DAB1: variants seen among roughly 807,000 people sequenced by gnomAD.
DAB1 encodes disabled homolog 1.
DAB1 carries 15 observed loss-of-function variants against 64.6 expected under a neutral mutation model. That is an observed-to-expected ratio of 0.23 (90% CI 0.16 to 0.36). The LOEUF is 0.36. Ranked by LOEUF, DAB1 falls within the 10% of genes least tolerant of loss-of-function variation. The pLI is 1.00. For missense variants in DAB1, 596 were observed against 706.7 expected (o/e 0.84, Z 1.78); for synonymous variants, 235 against 251.9 (o/e 0.93, Z 0.64).
chr1:57,103,524 C>T (rs896546451), intron 4 of DAB1, among the ~76,000 whole-genome samples: 1 of 152,072 alleles, frequency 6.6e-6, no homozygotes, highest in African/African-American at 2.4e-5. Flanking sequence ...TAGAGCAGAT[C>T]CCGGGAGTAC....
At chr1:57,821,547 T>C (rs1052737843), downstream of DAB1, among the ~76,000 whole-genome samples, 7 of 152,242 alleles carry the variant, frequency 4.6e-5, no homozygotes, top group Non-Finnish European at 1.0e-4. Context: ...TTGGGAGCCA[T>C]AGACAACCCA....
intron 4 of DAB1, among the ~76,000 whole-genome samples, chr1:58,238,838 C>A (rs1030664275): frequency 6.6e-6 from 1 of 152,164 alleles, no homozygotes; most frequent in Non-Finnish European, 1.5e-5. Flanking sequence ...CTTTCTTATA[C>A]TTCTGCATGG....
chr1:58,338,021 A>G (rs1035685234), intron 4 of DAB1, among the ~76,000 whole-genome samples: 3 of 149,392 alleles, frequency 2.0e-5, no homozygotes, highest in Admixed American at 6.7e-5. Context: ...CTTAGCCAAG[A>G]AAAAAAAAAT....
chr1:58,338,140 C>T (rs569076269), intron 4 of DAB1, among the ~76,000 whole-genome samples: 24 of 152,266 alleles, frequency 1.6e-4, no homozygotes, highest in Admixed American at 6.5e-4. Context: ...CAAAGCAAAC[C>T]TTTACTTCAG....
At chr1:58,035,141 T>C (rs1557619634) in intron 5 of DAB1, among the ~76,000 whole-genome samples, 1 of 152,150 alleles carries the variant, frequency 6.6e-6, no homozygotes, top group Non-Finnish European at 1.5e-5. Flanking sequence ...GATACTACAG[T>C]GAGCGACAGA....
At chr1:57,758,138 C>G (rs1480337456) in intron 6 of DAB1, among the ~76,000 whole-genome samples, 1 of 152,070 alleles carries the variant, frequency 6.6e-6, no homozygotes, top group Non-Finnish European at 1.5e-5. Flanking sequence ...AATGGAATAA[C>G]AAAAGTAAAG....
At chr1:57,063,407 G>A (rs929796435) in intron 8 of DAB1, among the ~76,000 whole-genome samples, 1 of 152,158 alleles carries the variant, frequency 6.6e-6, no homozygotes, top group Non-Finnish European at 1.5e-5. Context: ...CTAGCACAAA[G>A]CACAGCTTCT....
intron 7 of DAB1, among the ~76,000 whole-genome samples, chr1:57,571,460 C>T (rs1046054731): frequency 1.3e-4 from 20 of 152,098 alleles, no homozygotes; most frequent in Admixed American, 1.3e-3. Flanking sequence ...ACCTTGCAAC[C>T]CAGCAGTTGA....
At chr1:57,073,852 A>G (rs1360173994) in intron 4 of DAB1, among the ~76,000 whole-genome samples, 1 of 152,238 alleles carries the variant, frequency 6.6e-6, no homozygotes. Flanking sequence ...TTCTATGTGC[A>G]TGCAAATGAA....
At chr1:57,190,132 T>C (rs1471671621) in intron 2 of DAB1, among the ~76,000 whole-genome samples, 1 of 152,208 alleles carries the variant, frequency 6.6e-6, no homozygotes. Flanking sequence ...AAGAGATTGC[T>C]GAACCCCACA....
In DAB1 at chr1:58,375,923, G is replaced by A. The variant is rs914741081; in HGVS notation, n.258-32520C>T. ...GGTTTAGTCTTGGGAGACTGTATGT[G>A]TCCAGGAATGTATCCATTTCTTCTA... On this transcript the variant is annotated intron_variant and non_coding_transcript_variant, in intron 3 of 20. Transcript: ENST00000485760. 3.3e-4 allele frequency among the ~76,000 whole-genome samples: 47 copies of A among 142,962 alleles called. 7 individuals carry two copies. The highest frequency in any genetic ancestry group is 4.7e-5 in the Non-Finnish European group (3 of 63,640). 93.8% of individuals were successfully genotyped at this position (142,962 alleles called of 152,430 possible). A position where few individuals can be genotyped will look rare whatever the true frequency, so the allele number is the denominator to read the frequency against.
chr1:57,777,665 T>A (rs1649875730), intron 6 of DAB1, among the ~76,000 whole-genome samples: 1 of 151,846 alleles, frequency 6.6e-6, no homozygotes, highest in Non-Finnish European at 1.5e-5. Flanking sequence ...CTCTTAATGT[T>A]CAGTTTCCTT....
chr1:58,277,084 G>T, intron 4 of DAB1, among the ~76,000 whole-genome samples: 1 of 146,658 alleles, frequency 6.8e-6, no homozygotes, highest in South Asian at 2.2e-4. Flanking sequence ...CTGTCACCCA[G>T]GCTGGAGTGC....
chr1:57,160,380 C>T (rs905745562), intron 2 of DAB1, among the ~76,000 whole-genome samples: 1 of 152,048 alleles, frequency 6.6e-6, no homozygotes, highest in African/African-American at 2.4e-5. Context: ...CCCAAGTTCA[C>T]AGAGCTAGCA....
chr1:58,143,503 C>A (rs183058375), intron 5 of DAB1, among the ~76,000 whole-genome samples: 1 of 152,100 alleles, frequency 6.6e-6, no homozygotes. Context: ...TTATTAAGAA[C>A]GGTGTGGTTG....
At chr1:57,418,530 G>C (rs2991516) in intron 1 of DAB1, among the ~76,000 whole-genome samples, 1 of 151,904 alleles carries the variant, frequency 6.6e-6, no homozygotes. Context: ...GTGGTCAAGA[G>C]GGCCGATTTG....
chr1:57,706,722 T>C (rs1646970748), intron 6 of DAB1, among the ~76,000 whole-genome samples: 1 of 152,126 alleles, frequency 6.6e-6, no homozygotes, highest in South Asian at 2.1e-4. Context: ...GCACTAGGTG[T>C]ATATATTTAT....
intron 5 of DAB1, among the ~76,000 whole-genome samples, chr1:58,110,165 G>A (rs1651889763): frequency 6.6e-6 from 1 of 152,202 alleles, no homozygotes; most frequent in Admixed American, 6.5e-5. Flanking sequence ...GGCTTTATTT[G>A]AGCCCTTAAT....
intron 7 of DAB1, among the ~76,000 whole-genome samples, chr1:57,549,864 A>G (rs368465342): frequency 2.6e-5 from 4 of 152,192 alleles, no homozygotes; most frequent in East Asian, 3.9e-4. Context: ...GGATGGTTCT[A>G]AGTACCAGAT....
Sources: gnomAD v4.1 joint callset for allele counts (sites outside exome capture counted in the v4.1 genomes callset) on GRCh38, gnomAD v4.1.1 for gene constraint, MANE v1.5 for transcripts, NCBI Gene and HGNC (gene_info 2026-07-23, HGNC 2026-07-21) for gene names.